HOPX: variants seen among roughly 807,000 people sequenced by gnomAD.
HOPX encodes the protein homeodomain-only protein.
A neutral mutation model predicts 11.8 loss-of-function variants in HOPX; 5 were observed. The observed-to-expected ratio is 0.43, with a 90% CI of 0.22 to 0.89. HOPX has a LOEUF of 0.89. Ranked by LOEUF, HOPX falls within the 40% of genes least tolerant of loss-of-function variation. The pLI is 0.28. For synonymous variants in HOPX, 49 were observed against 49.7 expected, an observed-to-expected ratio of 0.99 and a Z score of 0.06; for missense variants, 119 against 120.0, an observed-to-expected ratio of 0.99 and a Z score of 0.04.
At chr4:56,681,545 C>A, upstream of HOPX, 1 of 1,000,174 alleles carries the variant, frequency 1.0e-6, no homozygotes, top group Non-Finnish European at 1.2e-6. Flanking sequence ...TCCCTGACCT[C>A]TCTCCTAGCC....
chr4:56,669,634 G>A lies in HOPX; in HGVS notation c.-84+11621C>T, dbSNP rs143507735. 2.3e-3 allele frequency among the ~76,000 whole-genome samples: 350 copies of A among 151,144 alleles called. 2 individuals carry two copies. Among genetic ancestry groups the A allele is most frequent in the Non-Finnish European group, 4.2e-3 (284 of 67,898 alleles). On this transcript the variant is annotated intron_variant, in intron 1 of 3. Transcript: ENST00000420433. ...AGATCACACCACTGCACTCCAACCC[G>A]GGTGATAGAGCAGGACTCTGTCTCA...
intron 1 of HOPX, chr4:56,672,934 G>A (rs1445182804): frequency 2.0e-5 from 3 of 152,200 alleles, no homozygotes; most frequent in African/African-American, 7.2e-5. Flanking sequence ...AAGGGAACAT[G>A]GAGAAGCTTG....
chr4:56,651,160 T>C (rs1347131156), intron 3 of HOPX: 1 of 183,776 alleles, frequency 5.4e-6, no homozygotes, highest in Non-Finnish European at 1.1e-5. Context: ...CCCACATCTT[T>C]ACACTATGTA....
intron 3 of HOPX, among the ~76,000 whole-genome samples, chr4:56,652,607 A>C (rs1440972585): frequency 6.6e-6 from 1 of 152,114 alleles, no homozygotes; most frequent in Non-Finnish European, 1.5e-5. Context: ...CAAGAGTTCA[A>C]AACCAGCTCA....
intron 1 of HOPX, among the ~76,000 whole-genome samples, chr4:56,658,221 A>C (rs1046416520): frequency 1.3e-5 from 2 of 152,186 alleles, no homozygotes; most frequent in African/African-American, 4.8e-5. Context: ...TTCTGCTTAT[A>C]CTTTCCCCTC....
At chr4:56,677,653 C>T (rs1250955166) in intron 1 of HOPX, among the ~76,000 whole-genome samples, 2 of 151,492 alleles carry the variant, frequency 1.3e-5, no homozygotes, top group African/African-American at 4.9e-5. Context: ...AGGGTGGAGC[C>T]GGTGAGGCTC....
intron 2 of HOPX, chr4:56,656,293 T>A: frequency 1.8e-6 from 2 of 1,135,280 alleles, no homozygotes; most frequent in Non-Finnish European, 2.2e-6. Context: ...AGGAACTGTA[T>A]CCCTGCCTGC....
intron 3 of HOPX, among the ~76,000 whole-genome samples, chr4:56,655,308 A>G (rs936345234): frequency 1.3e-5 from 2 of 152,076 alleles, no homozygotes; most frequent in East Asian, 1.9e-4. Context: ...TGGTGGAGAG[A>G]GCATGCTTCA....
At chr4:56,680,471 A>G (rs539493247) in intron 1 of HOPX, 33 of 152,194 alleles carry the variant, frequency 2.2e-4, no homozygotes, top group African/African-American at 7.7e-4. Context: ...ACTTAACTAA[A>G]CACACTACAG....
At chr4:56,668,646 G>A (rs527760496) in intron 1 of HOPX, among the ~76,000 whole-genome samples, 4 of 152,288 alleles carry the variant, frequency 2.6e-5, no homozygotes, top group Admixed American at 6.5e-5. Flanking sequence ...TGAAATTGCC[G>A]GTCTGAGCCA....
chr4:56,667,624 A>G (rs1305460757), intron 1 of HOPX, among the ~76,000 whole-genome samples: 1 of 152,230 alleles, frequency 6.6e-6, no homozygotes, highest in Admixed American at 6.5e-5. Context: ...AAAGATTGGG[A>G]AATTTGAAGC....
At chr4:56,652,831 A>AAAAG (rs369467911) in intron 3 of HOPX, among the ~76,000 whole-genome samples, 265 of 152,172 alleles carry the variant, frequency 1.7e-3, no homozygotes, top group African/African-American at 5.6e-3. Context: ...AAAAGAGAAA[A>AAAAG]AAAGAAAGAA....
intron 3 of HOPX, among the ~76,000 whole-genome samples, chr4:56,654,247 T>A (rs887031399): frequency 2.6e-5 from 4 of 152,178 alleles, no homozygotes; most frequent in African/African-American, 7.2e-5. Context: ...ATGTACTACT[T>A]GGACAGTGCC....
chr4:56,657,443 T>C (rs1051678455), intron 2 of HOPX, among the ~76,000 whole-genome samples: 1 of 152,206 alleles, frequency 6.6e-6, no homozygotes, highest in Non-Finnish European at 1.5e-5. Flanking sequence ...TACCCAATGC[T>C]GTTATAACCT....
intron 1 of HOPX, among the ~76,000 whole-genome samples, chr4:56,677,134 A>C (rs1247740395): frequency 2.6e-5 from 4 of 151,844 alleles, no homozygotes; most frequent in Non-Finnish European, 4.4e-5. Context: ...CCATTATAGT[A>C]ACCTTAAGGT....
intron 1 of HOPX, among the ~76,000 whole-genome samples, chr4:56,658,522 T>C (rs1481755391): frequency 6.6e-6 from 1 of 152,220 alleles, no homozygotes; most frequent in Non-Finnish European, 1.5e-5. Flanking sequence ...AAGATCTCTA[T>C]AGTCAAATGT....
At chr4:56,669,623 C>T (rs1322257537) in intron 1 of HOPX, among the ~76,000 whole-genome samples, 2 of 151,686 alleles carry the variant, frequency 1.3e-5, no homozygotes, top group Non-Finnish European at 2.9e-5. Context: ...CACACCACTG[C>T]ACTCCAACCC....
In HOPX at chr4:56,658,043, G is replaced by A. The variant is rs1578338847; in HGVS notation, c.-83-144C>T. 7 of 606,224 alleles carry A rather than the reference G, an allele frequency of 1.2e-5. No homozygotes were observed. The East Asian group carries it at 1.7e-4, about 15-fold the overall frequency. The allele number at this position is 606,224 out of a possible 1,614,324, so 37.6% of individuals were successfully genotyped here. On this transcript the variant is annotated intron_variant, in intron 1 of 3. Coordinates refer to ENST00000420433, the MANE Select transcript of HOPX (RefSeq NM_032495.6). ...CCACCCACCACTGCTTGCTTCGCTT[G>A]AAAGAAAACAAGGGCTGGGAGACAG... is the stretch of plus-strand genomic sequence containing the variant.
intron 1 of HOPX, chr4:56,680,910 A>G (rs994170153): frequency 3.4e-5 from 12 of 356,540 alleles, no homozygotes; most frequent in Middle Eastern, 1.3e-3. Flanking sequence ...CTGCTTCTAA[A>G]TGAGAAAATC....
Sources: allele counts gnomAD v4.1 joint callset (sites outside exome capture counted in the v4.1 genomes callset), GRCh38; gene constraint gnomAD v4.1.1; transcripts MANE v1.5; gene names NCBI Gene and HGNC (gene_info 2026-07-23, HGNC 2026-07-21).